DSCAM: variants seen among roughly 807,000 people sequenced by gnomAD.
The protein encoded by DSCAM is DS cell adhesion molecule.
In DSCAM, 47 loss-of-function variants were observed where a neutral mutation model predicts 217.7. That is an observed-to-expected ratio of 0.22 (90% CI 0.17 to 0.28). The LOEUF (loss-of-function observed/expected upper bound fraction) is 0.28. DSCAM is among the 10% of genes least tolerant of loss of function. The pLI is 1.00. For missense variants in DSCAM, 2,080 were observed against 2,618.3 expected (o/e 0.79, Z 4.49); for synonymous variants, 1,056 against 1,015.3 (o/e 1.04, Z -0.76).
chr21:40,593,147 A>AT (rs1298090542), intron 3 of DSCAM, among the ~76,000 whole-genome samples: 1 of 152,164 alleles, frequency 6.6e-6, no homozygotes, highest in Non-Finnish European at 1.5e-5. Context: ...TATGTTTTAT[A>AT]TATTGGAACT....
rs111970636 is a variant in DSCAM, at chr21:40,307,050, T to C, written c.2062+5031A>G. 5.3e-5 allele frequency among the ~76,000 whole-genome samples: 8 copies of C among 152,222 alleles called. No homozygotes were observed. The South Asian group carries it at 1.2e-3, about 24-fold the overall frequency. ...TCCTCCTTGTACCTCTGGTAGAATT[T>C]GGCTGTGAATCCATCTGGTCCTGGA... is the stretch of plus-strand genomic sequence containing the variant. On this transcript the variant is annotated intron_variant, in intron 9 of 32. Coordinates refer to ENST00000400454, the MANE Select transcript of DSCAM (RefSeq NM_001389.5).
chr21:40,026,655 T>C (rs1391308710), intron 32 of DSCAM, among the ~76,000 whole-genome samples: 12 of 148,622 alleles, frequency 8.1e-5, no homozygotes, highest in African/African-American at 2.3e-4. Context: ...TTGATCTTTG[T>C]TGGCTTAAAG....
intron 3 of DSCAM, among the ~76,000 whole-genome samples, chr21:40,452,615 T>C (rs2075729768): frequency 6.6e-6 from 1 of 152,168 alleles, no homozygotes; most frequent in Non-Finnish European, 1.5e-5. Flanking sequence ...AAGCATACAA[T>C]ACAGCACTCA....
chr21:40,566,054 AAACCCTCTCTGCTAAAT>A (rs1446383103), intron 3 of DSCAM, among the ~76,000 whole-genome samples: 9 of 152,212 alleles, frequency 5.9e-5, no homozygotes. Context: ...CAAACTCTGT[AAACCCTCTCTGCTAAAT>A]CAGTCATTAA....
At chr21:40,098,154 C>A (rs1395371879) in intron 20 of DSCAM, among the ~76,000 whole-genome samples, 1 of 151,760 alleles carries the variant, frequency 6.6e-6, no homozygotes, top group Non-Finnish European at 1.5e-5. Flanking sequence ...AAGGATATTA[C>A]CAGTAATAAA....
chr21:40,381,602 G>A (rs999572113), intron 3 of DSCAM, among the ~76,000 whole-genome samples: 6 of 152,184 alleles, frequency 3.9e-5, no homozygotes, highest in Non-Finnish European at 7.3e-5. Context: ...TTAAGACACT[G>A]GGCTTATTGG....
At chr21:40,241,340 T>C (rs1169979610) in intron 11 of DSCAM, among the ~76,000 whole-genome samples, 1 of 152,124 alleles carries the variant, frequency 6.6e-6, no homozygotes, top group Non-Finnish European at 1.5e-5. Context: ...TATGAACAGA[T>C]GCTTTTCAAA....
At chr21:40,383,493 G>A (rs2075048229) in intron 3 of DSCAM, 1 of 152,158 alleles carries the variant, frequency 6.6e-6, no homozygotes, top group Non-Finnish European at 1.5e-5. Context: ...CAATTCTTGT[G>A]ATTCTTTCAA....
intron 2 of DSCAM, among the ~76,000 whole-genome samples, chr21:40,702,683 G>C (rs560179731): frequency 3.3e-5 from 5 of 151,260 alleles, no homozygotes; most frequent in Non-Finnish European, 2.9e-5. Flanking sequence ...TTTTTTTACC[G>C]TGTTTCCTTT....
intron 1 of DSCAM, among the ~76,000 whole-genome samples, chr21:40,813,193 C>T (rs1429132871): frequency 1.3e-5 from 2 of 152,162 alleles, no homozygotes; most frequent in Non-Finnish European, 2.9e-5. Context: ...ACAAATGAAA[C>T]ACCATTTCAT....
At chr21:40,244,317 G>C (rs2073193282) in intron 11 of DSCAM, among the ~76,000 whole-genome samples, 1 of 152,070 alleles carries the variant, frequency 6.6e-6, no homozygotes, top group Admixed American at 6.5e-5. Context: ...TGGGCATGGT[G>C]GTGGACACCT....
intron 3 of DSCAM, among the ~76,000 whole-genome samples, chr21:40,497,036 T>C (rs532826194): frequency 9.8e-5 from 15 of 152,308 alleles, no homozygotes; most frequent in African/African-American, 3.1e-4. Context: ...TAGTACTCTA[T>C]TGGTGGAAAT....
At chr21:40,355,323 A>T (rs746222893) in intron 4 of DSCAM, among the ~76,000 whole-genome samples, 7 of 152,214 alleles carry the variant, frequency 4.6e-5, no homozygotes, top group Non-Finnish European at 7.3e-5. Flanking sequence ...AAGACAATGG[A>T]TTAAAAAGCA....
chr21:40,111,563 C>G (rs2089899380), intron 20 of DSCAM, among the ~76,000 whole-genome samples: 1 of 152,126 alleles, frequency 6.6e-6, no homozygotes, highest in Non-Finnish European at 1.5e-5. Context: ...TCACACATAA[C>G]AATATTAACT....
chr21:40,354,746 G>A (rs899368777), intron 4 of DSCAM, among the ~76,000 whole-genome samples: 1 of 151,600 alleles, frequency 6.6e-6, no homozygotes, highest in Non-Finnish European at 1.5e-5. Flanking sequence ...CTACTCGGGA[G>A]GCTGAGGCAG....
chr21:40,074,637 C>T (rs2089338682), intron 27 of DSCAM, among the ~76,000 whole-genome samples: 1 of 152,206 alleles, frequency 6.6e-6, no homozygotes, highest in Non-Finnish European at 1.5e-5. Flanking sequence ...GTATCCTAAG[C>T]CCTCAATTTC....
At chr21:40,641,002 C>T (rs747097692) in intron 3 of DSCAM, among the ~76,000 whole-genome samples, 16 of 152,166 alleles carry the variant, frequency 1.1e-4, no homozygotes, top group Non-Finnish European at 1.9e-4. Flanking sequence ...CTATTGTGTT[C>T]ATGTTGAAAG....
intron 1 of DSCAM, among the ~76,000 whole-genome samples, chr21:40,800,592 T>C (rs1159064212): frequency 6.6e-6 from 1 of 152,170 alleles, no homozygotes; most frequent in Non-Finnish European, 1.5e-5. Context: ...ATTCTTCCTA[T>C]AAATTGGCAA....
At chr21:40,822,067 C>T (rs1285765914) in intron 1 of DSCAM, among the ~76,000 whole-genome samples, 1 of 151,310 alleles carries the variant, frequency 6.6e-6, no homozygotes, top group East Asian at 1.9e-4. Flanking sequence ...GCCTGTAATC[C>T]CAGCACTTTG....
Sources: allele counts gnomAD v4.1 joint callset (sites outside exome capture counted in the v4.1 genomes callset), GRCh38; gene constraint gnomAD v4.1.1; transcripts MANE v1.5; gene names NCBI Gene and HGNC (gene_info 2026-07-23, HGNC 2026-07-21).